GPM6A: variants seen among roughly 807,000 people sequenced by gnomAD.
GPM6A encodes glycoprotein M6A.
In GPM6A, 7 loss-of-function variants were observed where a neutral mutation model predicts 32.1. That is an observed-to-expected ratio of 0.22 (90% CI 0.12 to 0.41). GPM6A has a LOEUF of 0.41. Among genes scored for constraint, GPM6A ranks in the 10% least tolerant of loss-of-function variants. The pLI, the probability that GPM6A is intolerant of heterozygous loss-of-function variation, is 1.00. For synonymous variants in GPM6A, 130 were observed against 123.4 expected (o/e 1.05, Z -0.35); for missense variants, 235 against 347.2 (o/e 0.68, Z 2.57).
intron 1 of GPM6A, among the ~76,000 whole-genome samples, chr4:175,783,948 G>A (rs753711240): frequency 1.3e-5 from 2 of 150,900 alleles, no homozygotes; most frequent in Non-Finnish European, 2.9e-5. Flanking sequence ...CTTCTAGGAA[G>A]TGGAGCTTAT....
chr4:175,745,176 T>C (rs1036157614), intron 1 of GPM6A, among the ~76,000 whole-genome samples: 37 of 152,204 alleles, frequency 2.4e-4, no homozygotes, highest in African/African-American at 8.7e-4. Context: ...ACACAAAATA[T>C]TCATGCGCTA....
At chr4:175,703,318 C>T (rs35635000) in intron 1 of GPM6A, among the ~76,000 whole-genome samples, 19,898 of 151,954 alleles carry the variant, frequency 0.13, 1,842 homozygotes, top group Non-Finnish European at 0.19. Context: ...ACTACTGGCG[C>T]ACGTCACCAC....
intron 1 of GPM6A, among the ~76,000 whole-genome samples, chr4:175,886,048 T>C (rs746114740): frequency 7.2e-5 from 11 of 152,020 alleles, no homozygotes; most frequent in Non-Finnish European, 1.6e-4. Context: ...ATTCTATATA[T>C]AGCTAGCAGA....
At chr4:175,763,079 T>A (rs1014395699) in intron 1 of GPM6A, among the ~76,000 whole-genome samples, 19 of 152,232 alleles carry the variant, frequency 1.2e-4, no homozygotes, top group Admixed American at 1.3e-4. Flanking sequence ...AAAATATATA[T>A]CTATAAAGTT....
At chr4:175,885,769 G>A (rs1052564715) in intron 1 of GPM6A, among the ~76,000 whole-genome samples, 1 of 152,132 alleles carries the variant, frequency 6.6e-6, no homozygotes, top group Admixed American at 6.5e-5. Flanking sequence ...GTCTTAATCG[G>A]GGTGGTGGTT....
At chr4:175,733,689 T>A (rs909866626) in intron 1 of GPM6A, among the ~76,000 whole-genome samples, 4 of 152,122 alleles carry the variant, frequency 2.6e-5, no homozygotes, top group Admixed American at 1.3e-4. Flanking sequence ...GTACCTGAGA[T>A]CTAACTCATT....
intron 1 of GPM6A, among the ~76,000 whole-genome samples, chr4:175,995,969 A>T (rs1741296409): frequency 6.8e-6 from 1 of 147,462 alleles, no homozygotes; most frequent in Non-Finnish European, 1.5e-5. Flanking sequence ...ATGGATAGTG[A>T]GCATTGAGTA....
At chr4:175,714,614 TAGTC>T (rs1745740534) in intron 1 of GPM6A, among the ~76,000 whole-genome samples, 1 of 152,084 alleles carries the variant, frequency 6.6e-6, no homozygotes, top group Non-Finnish European at 1.5e-5. Flanking sequence ...GCTATAATTA[TAGTC>T]AGGCAATTTC....
At chr4:175,838,549 G>T (rs970378249) in intron 1 of GPM6A, among the ~76,000 whole-genome samples, 3 of 149,882 alleles carry the variant, frequency 2.0e-5, no homozygotes, top group Admixed American at 2.0e-4. Flanking sequence ...AGTAAGTGTT[G>T]TTACTACATC....
intron 1 of GPM6A, among the ~76,000 whole-genome samples, chr4:175,908,212 T>G (rs1738193705): frequency 6.6e-6 from 1 of 152,186 alleles, no homozygotes; most frequent in African/African-American, 2.4e-5. Context: ...GCAATCTATT[T>G]TAAACAATCT....
In GPM6A at chr4:175,640,183, G is replaced by A. The variant is rs1741056967; in HGVS notation, c.630C>T (p.Thr210=). ...RMCESTELNM[T]FHLFIVALAG... The stretch of plus-strand genomic sequence containing the variant: ...CAAGTGCCACAATAAACAAGTGGAA[G>A]GTCATGTTCAGCTGCAATGGAAACC... Residue 210 remains threonine, a synonymous_variant, in exon 6 of 7, where the codon ACC becomes ACT. Coordinates refer to ENST00000393658, the MANE Select transcript of GPM6A (RefSeq NM_201591.3). The A allele has an allele frequency of 1.2e-6, 2 of 1,613,406 alleles. No homozygotes were observed. The highest frequency in any genetic ancestry group is 1.3e-5 in the African/African-American group (1 of 74,890).
chr4:175,782,441 A>G (rs993334062), intron 1 of GPM6A, among the ~76,000 whole-genome samples: 1 of 152,160 alleles, frequency 6.6e-6, no homozygotes, highest in South Asian at 2.1e-4. Context: ...AATTATACCC[A>G]GCCCTGTAAG....
At chr4:175,831,713 C>CTATT (rs1560955800) in intron 1 of GPM6A, among the ~76,000 whole-genome samples, 1 of 32,832 alleles carries the variant, frequency 3.0e-5, no homozygotes, top group Non-Finnish European at 6.7e-5. Context: ...ATTTAGCCAT[C>CTATT]TCTTTTTTTT....
At chr4:175,952,369 A>G (rs1264599921) in intron 1 of GPM6A, among the ~76,000 whole-genome samples, 3 of 152,188 alleles carry the variant, frequency 2.0e-5, no homozygotes, top group Non-Finnish European at 4.4e-5. Context: ...TAAGCTGCAT[A>G]ATGGATTCCC....
chr4:175,674,024 C>T (rs963977872), intron 2 of GPM6A, among the ~76,000 whole-genome samples, 188 bp from the exon 3 acceptor site: 2 of 152,138 alleles, frequency 1.3e-5, no homozygotes, highest in African/African-American at 4.8e-5. Context: ...TTTGCTGCCA[C>T]TTCCAATATT....
At chr4:175,975,113 G>A (rs542615563) in intron 1 of GPM6A, among the ~76,000 whole-genome samples, 1 of 152,150 alleles carries the variant, frequency 6.6e-6, no homozygotes, top group African/African-American at 2.4e-5. Flanking sequence ...CTGCTCATCT[G>A]TGCCATACAT....
At chr4:175,818,466 C>G (rs1233335457) in intron 1 of GPM6A, among the ~76,000 whole-genome samples, 1 of 152,092 alleles carries the variant, frequency 6.6e-6, no homozygotes, top group Non-Finnish European at 1.5e-5. Flanking sequence ...GAGAGAGAGT[C>G]AGTTCTATAT....
At chr4:175,922,330 T>TTAA (rs1738696080) in intron 1 of GPM6A, among the ~76,000 whole-genome samples, 1 of 152,158 alleles carries the variant, frequency 6.6e-6, no homozygotes. Context: ...ATGTCAGCAA[T>TTAA]CAGTCCACAT....
intron 1 of GPM6A, among the ~76,000 whole-genome samples, chr4:175,893,981 T>C (rs11938114): frequency 0.049 from 7,500 of 152,214 alleles, 588 homozygotes; most frequent in African/African-American, 0.17. Flanking sequence ...ATCATTCCTG[T>C]TGAAATGGAT....
Sources: gnomAD v4.1 joint callset for allele counts (sites outside exome capture counted in the v4.1 genomes callset) on GRCh38, gnomAD v4.1.1 for gene constraint, MANE v1.5 for transcripts, NCBI Gene and HGNC (gene_info 2026-07-23, HGNC 2026-07-21) for gene names.